The following SLC39A10 variants were observed in gnomAD, a reference collection of about 807,000 sequenced individuals.
SLC39A10 encodes the protein solute carrier family 39 member 10.
A neutral mutation model predicts 65.1 loss-of-function variants in SLC39A10; 13 were observed. The ratio of observed to expected loss-of-function variants is 0.20; its 90% CI spans 0.13 to 0.32. SLC39A10 has a LOEUF of 0.32. SLC39A10 is among the 10% of genes least tolerant of loss of function. The probability of loss-of-function intolerance (pLI) is 1.00; values close to 1 mark genes in which losing one functional copy is unlikely to be tolerated. For missense variants in SLC39A10, 831 were observed against 1,018.4 expected (o/e 0.82, Z 2.50); for synonymous variants, 321 against 342.2 (o/e 0.94, Z 0.68).
chr2:195,624,887 CAAAAAAAAAAA>C (rs60370795), intron 2 of SLC39A10, among the ~76,000 whole-genome samples: 1 of 47,332 alleles, frequency 2.1e-5, no homozygotes, highest in Admixed American at 2.6e-4. Context: ...GACTCCATCT[CAAAAAAAAAAA>C]AAAAAAAAAA....
At chr2:195,624,526 A>T (rs1688422159) in intron 2 of SLC39A10, among the ~76,000 whole-genome samples, 2 of 152,134 alleles carry the variant, frequency 1.3e-5, no homozygotes, top group Admixed American at 1.3e-4. Flanking sequence ...TAAAGATACA[A>T]GATACGGTGA....
chr2:195,657,613 G>T lies in SLC39A10; in HGVS notation c.-12+332G>T, dbSNP rs1314943725. 6.1e-6 allele frequency: 6 copies of T among 985,238 alleles called. No homozygotes were observed. The African/African-American group carries it at 1.0e-4, about 17-fold the overall frequency. 61.0% of individuals were successfully genotyped at this position (985,238 alleles called of 1,614,324 possible). A position where few individuals can be genotyped will look rare whatever the true frequency, so the allele number is the denominator to read the frequency against. ...CCCCCCTCACCTTCCTGTGGAGGTT[G>T]GCGGAGCCTCGCGGGCCGCGCCCGG... On this transcript the variant is annotated intron_variant, in intron 1 of 9. Transcript: ENST00000359634.
chr2:195,669,431 T>C (rs1689761697), intron 1 of SLC39A10, among the ~76,000 whole-genome samples: 2 of 152,196 alleles, frequency 1.3e-5, no homozygotes, highest in Admixed American at 6.5e-5. Flanking sequence ...TAGATACCTT[T>C]TCTGGGTCTT....
intron 2 of SLC39A10, among the ~76,000 whole-genome samples, chr2:195,620,866 T>A (rs1688334787): frequency 6.6e-6 from 1 of 152,228 alleles, no homozygotes; most frequent in Non-Finnish European, 1.5e-5. Context: ...AGCTCAGCTC[T>A]TGTAAAACCT....
chr2:195,651,502 T>G (rs1368238255), intron 2 of SLC39A10, among the ~76,000 whole-genome samples: 1 of 151,970 alleles, frequency 6.6e-6, no homozygotes, highest in Non-Finnish European at 1.5e-5. Flanking sequence ...TGAGACAGAG[T>G]CTTGCCATGT....
chr2:195,668,505 T>C (rs1359036625), intron 1 of SLC39A10, among the ~76,000 whole-genome samples: 2 of 152,238 alleles, frequency 1.3e-5, no homozygotes, highest in African/African-American at 4.8e-5. Flanking sequence ...AAAACCTTGC[T>C]AAGCAACTTA....
intron 6 of SLC39A10, among the ~76,000 whole-genome samples, chr2:195,716,205 C>A (rs1242615884): frequency 1.3e-5 from 2 of 152,134 alleles, no homozygotes; most frequent in Non-Finnish European, 2.9e-5. Flanking sequence ...TAATAAAGTT[C>A]TCAGTAGGCT....
At chr2:195,716,392 C>CT (rs1177131688) in intron 6 of SLC39A10, among the ~76,000 whole-genome samples, 1 of 152,116 alleles carries the variant, frequency 6.6e-6, no homozygotes, top group Non-Finnish European at 1.5e-5. Context: ...TCTTTTAAAT[C>CT]TCCCCCCAAA....
upstream of SLC39A10, among the ~76,000 whole-genome samples, chr2:195,655,524 A>G (rs1689128135): frequency 6.6e-6 from 1 of 152,262 alleles, no homozygotes; most frequent in Non-Finnish European, 1.5e-5. Flanking sequence ...TATGCTTTGC[A>G]CACAAAGGAT....
intron 2 of SLC39A10, among the ~76,000 whole-genome samples, chr2:195,624,569 T>A (rs1236700937): frequency 6.6e-6 from 1 of 151,886 alleles, no homozygotes; most frequent in Non-Finnish European, 1.5e-5. Flanking sequence ...GGGGTGCACA[T>A]TTTATTCAAG....
chr2:195,624,078 G>A (rs1688408300), intron 2 of SLC39A10, among the ~76,000 whole-genome samples: 1 of 152,048 alleles, frequency 6.6e-6, no homozygotes, highest in Non-Finnish European at 1.5e-5. Context: ...GATCCCTTCA[G>A]CTGTATTTGT....
intron 2 of SLC39A10, among the ~76,000 whole-genome samples, chr2:195,621,206 A>G (rs1183074440): frequency 6.6e-6 from 1 of 152,222 alleles, no homozygotes; most frequent in African/African-American, 2.4e-5. Context: ...TTGGAATCAT[A>G]GTGAATTATA....
intron 8 of SLC39A10, among the ~76,000 whole-genome samples, chr2:195,723,696 T>C (rs1200535089): frequency 6.6e-6 from 1 of 152,172 alleles, no homozygotes; most frequent in African/African-American, 2.4e-5. Context: ...CCAAACATTC[T>C]TCTTGATGTT....
chr2:195,659,012 A>G (rs1689275194), intron 1 of SLC39A10, among the ~76,000 whole-genome samples: 1 of 152,250 alleles, frequency 6.6e-6, no homozygotes. Flanking sequence ...TGAGGACTGT[A>G]AATGATCTTT....
chr2:195,710,122 C>A (rs1691557170), intron 5 of SLC39A10, among the ~76,000 whole-genome samples: 1 of 152,298 alleles, frequency 6.6e-6, no homozygotes, highest in Non-Finnish European at 1.5e-5. Context: ...CTGTCTGTTT[C>A]ACCTCACATT....
At chr2:195,647,623 C>T (rs1398560114) in intron 2 of SLC39A10, among the ~76,000 whole-genome samples, 2 of 151,786 alleles carry the variant, frequency 1.3e-5, no homozygotes, top group African/African-American at 2.4e-5. Flanking sequence ...CCTTTGCTAC[C>T]GTTGCAAGCT....
intron 9 of SLC39A10, among the ~76,000 whole-genome samples, chr2:195,732,305 C>A (rs1692456170): frequency 6.6e-6 from 1 of 152,176 alleles, no homozygotes. Context: ...AAGATATCAA[C>A]AGTACCAGAA....
At chr2:195,708,466 A>G (rs1297095924) in intron 4 of SLC39A10, among the ~76,000 whole-genome samples, 190 bp from the exon 5 acceptor site, 1 of 152,208 alleles carries the variant, frequency 6.6e-6, no homozygotes, top group Non-Finnish European at 1.5e-5. Flanking sequence ...TGTAAAATGT[A>G]GTAGTATTTT....
At chr2:195,727,894 A>G (rs1427941173) in intron 8 of SLC39A10, among the ~76,000 whole-genome samples, 1 of 152,076 alleles carries the variant, frequency 6.6e-6, no homozygotes, top group African/African-American at 2.4e-5. Context: ...GGCAACCACT[A>G]ACTGTTCTTC....
Sources: allele counts gnomAD v4.1 joint callset (sites outside exome capture counted in the v4.1 genomes callset), GRCh38; gene constraint gnomAD v4.1.1; transcripts MANE v1.5; gene names NCBI Gene and HGNC (gene_info 2026-07-23, HGNC 2026-07-21).